BIN3: variants seen among roughly 807,000 people sequenced by gnomAD.
BIN3 encodes the protein bridging integrator 3.
Under a neutral mutation model 38.2 loss-of-function variants are expected in BIN3, and 41 were observed. The ratio of observed to expected loss-of-function variants is 1.07; its 90% CI spans 0.84 to 1.39. BIN3 has a LOEUF of 1.39. Ranked by LOEUF, BIN3 falls within the 40% of genes most tolerant of loss-of-function variation. BIN3 has a pLI of 0.00. For missense variants in BIN3, 361 were observed against 324.3 expected, an observed-to-expected ratio of 1.11 and a Z score of -0.87; for synonymous variants, 145 against 122.6, an observed-to-expected ratio of 1.18 and a Z score of -1.21.
At chr8:22,628,624 A>G (rs1047118514) in intron 6 of BIN3, among the ~76,000 whole-genome samples, 15 of 152,250 alleles carry the variant, frequency 9.9e-5, no homozygotes, top group Middle Eastern at 3.4e-3. Context: ...CAGGGATCAG[A>G]TTTCAAGGGC....
intron 7 of BIN3, 40 bp from the exon 8 acceptor site, chr8:22,624,089 T>C (rs1451628661): frequency 4.5e-6 from 3 of 672,128 alleles, no homozygotes; most frequent in South Asian, 4.1e-5. Flanking sequence ...CTCTCACTGC[T>C]GGGTGCCGGA....
chr8:22,621,294 G>A lies in BIN3; in HGVS notation c.*128C>T. On this transcript the variant is annotated 3_prime_UTR_variant, in exon 9 of 9. Transcript: ENST00000276416. ...CCAGGCTCAGGAAGAGTCATTCATT[G>A]CAAAGGGCCGGCAAGTGAACCAGGG... 3.1e-6 allele frequency: 4 copies of A among 1,290,406 alleles called. No homozygotes were observed. The highest frequency in any genetic ancestry group is 3.0e-5 in the African/African-American group (2 of 67,024). The allele number at this position is 1,290,406 out of a possible 1,614,324, so 79.9% of individuals were successfully genotyped here.
chr8:22,621,346 G>A lies in BIN3; in HGVS notation c.*76C>T. Reference sequence around the variant, plus strand: ...CACCTCTGTCCCCAGCCTGTGAGAGGAGCAGCTAGCCCTGAGAAGGGCAAG... The same window carrying A: ...CACCTCTGTCCCCAGCCTGTGAGAGAAGCAGCTAGCCCTGAGAAGGGCAAG... On this transcript the variant is annotated 3_prime_UTR_variant, in exon 9 of 9. Coordinates refer to ENST00000276416, the MANE Select transcript of BIN3 (RefSeq NM_018688.6). The A allele has an allele frequency of 1.3e-6, 2 of 1,516,000 alleles. No homozygotes were observed. The highest frequency in any genetic ancestry group is 1.8e-6 in the Non-Finnish European group (2 of 1,126,304). 93.9% of individuals were successfully genotyped at this position (1,516,000 alleles called of 1,614,324 possible). A position where few individuals can be genotyped will look rare whatever the true frequency, so the allele number is the denominator to read the frequency against.
At chr8:22,630,946 G>C (rs1244429374) in intron 4 of BIN3, among the ~76,000 whole-genome samples, 2 of 152,176 alleles carry the variant, frequency 1.3e-5, no homozygotes, top group South Asian at 2.1e-4. Context: ...AAGTGGTTTG[G>C]ACGTGATGCT....
intron 5 of BIN3, 97 bp downstream of exon 5, chr8:22,630,322 CCAGAGGGCTTAGAGCCCTGAGAG>C: frequency 1.4e-6 from 2 of 1,396,350 alleles, no homozygotes; most frequent in Non-Finnish European, 2.0e-6. Context: ...GCACACGAGG[CCAGAGGGCTTAGAGCCCTGAGAG>C]CAGAGGGAGC....
At chr8:22,643,428 T>C (rs1802624463) in intron 2 of BIN3, among the ~76,000 whole-genome samples, 1 of 152,158 alleles carries the variant, frequency 6.6e-6, no homozygotes, top group Non-Finnish European at 1.5e-5. Flanking sequence ...ACTCGTGCGC[T>C]CAAGCAGTCC....
intron 1 of BIN3, among the ~76,000 whole-genome samples, chr8:22,650,768 A>G (rs1225317025): frequency 6.6e-6 from 1 of 152,232 alleles, no homozygotes; most frequent in East Asian, 1.9e-4. Context: ...CTAAAAATCT[A>G]CTTTAGCTAT....
intron 1 of BIN3, among the ~76,000 whole-genome samples, chr8:22,647,319 C>T (rs950691782): frequency 6.6e-6 from 1 of 152,132 alleles, no homozygotes; most frequent in Admixed American, 6.6e-5. Flanking sequence ...AATTTAGTAT[C>T]ACGGTATTTT....
intron 1 of BIN3, among the ~76,000 whole-genome samples, chr8:22,651,987 G>GAT (rs574883491): frequency 7.3e-6 from 1 of 137,922 alleles, no homozygotes; most frequent in Non-Finnish European, 1.6e-5. Context: ...CTTCTACCAA[G>GAT]TTTTTTTTTT....
At chr8:22,631,239 C>T (rs1020493956) in intron 4 of BIN3, among the ~76,000 whole-genome samples, 9 of 152,208 alleles carry the variant, frequency 5.9e-5, no homozygotes, top group African/African-American at 1.9e-4. Context: ...AAGAGATACG[C>T]TGGAAAATGT....
At chr8:22,661,717 T>G (rs1295077727) in intron 1 of BIN3, among the ~76,000 whole-genome samples, 3 of 152,190 alleles carry the variant, frequency 2.0e-5, no homozygotes, top group Non-Finnish European at 4.4e-5. Context: ...GCTAGCTTTT[T>G]ACATTCAGCA....
chr8:22,634,800 G>A lies in BIN3; in HGVS notation c.160+1725C>T, dbSNP rs1001260847. Among the ~76,000 whole-genome samples the A allele has an allele frequency of 2.6e-5, 4 of 152,286 alleles. No individual in the cohort carries two copies. The South Asian group carries it at 6.2e-4, about 24-fold the overall frequency. On this transcript the variant is annotated intron_variant, in intron 4 of 8. Coordinates refer to ENST00000276416, the MANE Select transcript of BIN3 (RefSeq NM_018688.6). ...CTAGTTTGGTGGCGGGCACGGGGGT[G>A]GGCAAAGGAATGAGTGGGGCATGGG...
intron 3 of BIN3, 89 bp downstream of exon 3, chr8:22,636,833 G>A: frequency 1.4e-6 from 2 of 1,436,086 alleles, no homozygotes; most frequent in South Asian, 2.3e-5. Context: ...GTGCTCACGG[G>A]GCAGGGCACG....
At chr8:22,636,269 C>T (rs1802362111) in intron 4 of BIN3, among the ~76,000 whole-genome samples, 1 of 152,246 alleles carries the variant, frequency 6.6e-6, no homozygotes, top group South Asian at 2.1e-4. Context: ...GAAGCTTCCA[C>T]CAGCTGCTGT....
chr8:22,657,633 G>C (rs1207364187), intron 1 of BIN3, among the ~76,000 whole-genome samples: 1 of 152,236 alleles, frequency 6.6e-6, no homozygotes, highest in Non-Finnish European at 1.5e-5. Context: ...CAAAAAACTG[G>C]GCAGATGCCC....
Position 22,621,586 on chromosome 8 carries a change from G to T in BIN3, c.616-18C>A. Reference sequence around the variant, plus strand: ...TACACAACCTGGGGGAGGCGACAGGGGTTGGCACGTGCTGGCTCCAGGGAA... The same window carrying T: ...TACACAACCTGGGGGAGGCGACAGGTGTTGGCACGTGCTGGCTCCAGGGAA... On this transcript the variant is annotated intron_variant, in intron 8 of 8. Transcript: ENST00000276416. 1 of 1,611,872 alleles carries T rather than the reference G, an allele frequency of 6.2e-7. No homozygotes were observed. Among genetic ancestry groups the T allele is most frequent in the South Asian group, 1.1e-5 (1 of 91,030 alleles).
chr8:22,621,439 T>C lies in BIN3; in HGVS notation c.745A>G (p.Ile249Val). Residue 249 changes from isoleucine to valine, a missense_variant, in exon 9 of 9, where the codon ATT (isoleucine) becomes GTT (valine). Transcript: ENST00000276416. The stretch of plus-strand genomic sequence containing the variant: ...ACGGGGATTCAGTCATCGGCCACAA[T>C]GGAGAGGGCCCGGAGCTCACTGAGT... The part of the protein sequence containing the change: ...AKLSELRALS[I>V]VADD The C allele has an allele frequency of 6.2e-7, 1 of 1,613,530 alleles. No individual in the cohort carries two copies. The highest frequency in any genetic ancestry group is 8.5e-7 in the Non-Finnish European group (1 of 1,179,750).
chr8:22,653,078 A>G (rs1446557423), intron 1 of BIN3, among the ~76,000 whole-genome samples: 1 of 152,236 alleles, frequency 6.6e-6, no homozygotes, highest in East Asian at 1.9e-4. Context: ...ATGTCAGGGC[A>G]CATTTCAAGG....
At chr8:22,646,837 G>T (rs1802727144) in intron 1 of BIN3, among the ~76,000 whole-genome samples, 1 of 152,196 alleles carries the variant, frequency 6.6e-6, no homozygotes, top group East Asian at 1.9e-4. Context: ...AGACAGGATG[G>T]TTTTTGGACA....
Sources: allele counts gnomAD v4.1 joint callset (sites outside exome capture counted in the v4.1 genomes callset), GRCh38; gene constraint gnomAD v4.1.1; transcripts MANE v1.5; gene names NCBI Gene and HGNC (gene_info 2026-07-23, HGNC 2026-07-21).